AGBL1: variants seen among roughly 807,000 people sequenced by gnomAD.
AGBL1 encodes the protein cytosolic carboxypeptidase 4.
AGBL1 carries 130 observed loss-of-function variants against 118.9 expected under a neutral mutation model. The observed-to-expected ratio is 1.09, with a 90% confidence interval of 0.95 to 1.26. The LOEUF (loss-of-function observed/expected upper bound fraction) is 1.26. AGBL1 is among the 50% of genes most tolerant of loss of function. The pLI is 0.00. For synonymous variants in AGBL1, 555 were observed against 478.9 expected, an observed-to-expected ratio of 1.16 and a Z score of -2.08; for missense variants, 1,584 against 1,298.1, an observed-to-expected ratio of 1.22 and a Z score of -3.38.
intron 1 of AGBL1, among the ~76,000 whole-genome samples, chr15:86,099,642 C>T (rs1008655160): frequency 7.3e-5 from 11 of 151,042 alleles, no homozygotes; most frequent in Admixed American, 2.0e-4. Flanking sequence ...CAGGTTCAAG[C>T]GATTCTCCTG....
intron 22 of AGBL1, among the ~76,000 whole-genome samples, chr15:86,785,800 G>C (rs1263869564): frequency 6.6e-6 from 1 of 152,166 alleles, no homozygotes; most frequent in African/African-American, 2.4e-5. Context: ...AACCCCAAGA[G>C]AACTGAGTTA....
intron 7 of AGBL1, among the ~76,000 whole-genome samples, chr15:86,254,920 T>C (rs7167753): frequency 0.032 from 4,859 of 152,314 alleles, 276 homozygotes; most frequent in African/African-American, 0.11. Context: ...AAATATATCA[T>C]GATTCCTAAA....
In AGBL1 at chr15:86,390,660, A is replaced by ATTTTTTTTTTTTTTTTTTT. The variant is rs756052402; in HGVS notation, c.2375-6698_2375-6680dup. On this transcript the variant is annotated intron_variant, in intron 17 of 22. Coordinates refer to ENST00000614907, the MANE Select transcript of AGBL1 (RefSeq NM_001386094.1). ...AGGCAGAAAAGTTATATACTGTATGATTTTTTTTTTTTTTTTTTTTTTTTT... is the reference window on the plus strand; with the variant it reads ...AGGCAGAAAAGTTATATACTGTATGATTTTTTTTTTTTTTTTTTTTTTTTTTTTTTTTTTTTTTTTTTTT... Among the ~76,000 whole-genome samples the ATTTTTTTTTTTTTTTTTTT allele has an allele frequency of 2.1e-4, 16 of 75,472 alleles. 2 individuals are homozygous for ATTTTTTTTTTTTTTTTTTT. The highest frequency in any genetic ancestry group is 3.7e-4 in the Admixed American group (2 of 5,390). 49.5% of individuals were successfully genotyped at this position (75,472 alleles called of 152,430 possible).
intron 23 of AGBL1, among the ~76,000 whole-genome samples, chr15:86,967,041 C>T (rs1307001643): frequency 6.6e-6 from 1 of 152,056 alleles, no homozygotes; most frequent in Non-Finnish European, 1.5e-5. Context: ...GATGGTATGT[C>T]GTTGTGGTTT....
Position 86,456,260 on chromosome 15 carries a change from T to A in AGBL1, c.2555+58714T>A, listed in dbSNP as rs529152267. Among the ~76,000 whole-genome samples, 5 of 152,334 alleles carry A rather than the reference T, an allele frequency of 3.3e-5. No individual in the cohort carries two copies. The South Asian group carries it at 1.0e-3, about 32-fold the overall frequency. ...CACATCACATTTATCTGAATAATGT[T>A]CTCTTAAACTGAAAAAAGACACAAA... On this transcript the variant is annotated intron_variant, in intron 18 of 22. Coordinates refer to ENST00000614907, the MANE Select transcript of AGBL1 (RefSeq NM_001386094.1).
chr15:86,974,645 A>T (rs1235157747), intron 23 of AGBL1, among the ~76,000 whole-genome samples: 7 of 147,262 alleles, frequency 4.8e-5, no homozygotes, highest in Non-Finnish European at 1.0e-4. Context: ...CTTTTCTGCA[A>T]AAAAAGATGA....
intron 23 of AGBL1, among the ~76,000 whole-genome samples, chr15:86,972,283 CA>C (rs1169410004): frequency 6.6e-6 from 1 of 151,960 alleles, no homozygotes; most frequent in East Asian, 1.9e-4. Context: ...AGAAGTTTCA[CA>C]GATACAACAT....
chr15:86,280,927 G>T (rs2079341856), intron 16 of AGBL1, among the ~76,000 whole-genome samples: 1 of 152,174 alleles, frequency 6.6e-6, no homozygotes, highest in Admixed American at 6.5e-5. Flanking sequence ...CACTTAGAGA[G>T]CTCAAGAAGT....
chr15:86,514,922 A>G (rs1160458671), intron 18 of AGBL1, among the ~76,000 whole-genome samples: 1 of 152,168 alleles, frequency 6.6e-6, no homozygotes, highest in Non-Finnish European at 1.5e-5. Flanking sequence ...TTAACTCCAC[A>G]TCCTAAAAAT....
At chr15:86,723,885 T>C (rs2142729715) in intron 22 of AGBL1, among the ~76,000 whole-genome samples, 1 of 152,120 alleles carries the variant, frequency 6.6e-6, no homozygotes, top group East Asian at 1.9e-4. Flanking sequence ...AGTCAAAGTT[T>C]GGATACTTGA....
At chr15:86,636,478 T>A (rs1322505629) in intron 21 of AGBL1, among the ~76,000 whole-genome samples, 1 of 106,598 alleles carries the variant, frequency 9.4e-6, no homozygotes, top group African/African-American at 3.3e-5. Flanking sequence ...AAAGTATTAT[T>A]TAATTCATCA....
At chr15:86,838,346 T>C (rs1461225779) in intron 22 of AGBL1, among the ~76,000 whole-genome samples, 1 of 152,336 alleles carries the variant, frequency 6.6e-6, no homozygotes, top group East Asian at 1.9e-4. Flanking sequence ...GTTTGTATAA[T>C]ATACCCTTAT....
At chr15:86,106,917 C>T (rs1349443023) in intron 1 of AGBL1, among the ~76,000 whole-genome samples, 1 of 152,116 alleles carries the variant, frequency 6.6e-6, no homozygotes, top group East Asian at 1.9e-4. Flanking sequence ...GCTGTGGAGC[C>T]CTGAGAACCA....
chr15:86,458,259 A>G (rs1267020972), intron 18 of AGBL1, among the ~76,000 whole-genome samples: 4 of 152,126 alleles, frequency 2.6e-5, no homozygotes, highest in African/African-American at 7.2e-5. Context: ...AGACTACAAA[A>G]TAAAAATAAC....
chr15:86,471,498 GT>G (rs375141045), intron 18 of AGBL1, among the ~76,000 whole-genome samples: 19,567 of 142,264 alleles, frequency 0.14, 1,316 homozygotes, highest in South Asian at 0.22. Context: ...TTGGCCTATA[GT>G]TTTTTTTTTT....
intron 1 of AGBL1, among the ~76,000 whole-genome samples, chr15:86,126,814 A>ACACCAAAT (rs987421264): frequency 6.6e-6 from 1 of 152,226 alleles, no homozygotes; most frequent in African/African-American, 2.4e-5. Flanking sequence ...TATAATTGAT[A>ACACCAAAT]CACCAAATCT....
chr15:86,884,210 C>A (rs1048070004), intron 22 of AGBL1, among the ~76,000 whole-genome samples: 42 of 152,154 alleles, frequency 2.8e-4, no homozygotes, highest in African/African-American at 9.9e-4. Flanking sequence ...ATAAGTACTT[C>A]AACATAATGA....
intron 22 of AGBL1, among the ~76,000 whole-genome samples, chr15:86,791,120 C>A (rs2078487430): frequency 6.6e-6 from 1 of 152,136 alleles, no homozygotes; most frequent in African/African-American, 2.4e-5. Context: ...ATCTGGAAAA[C>A]ACACGAACGT....
intron 17 of AGBL1, among the ~76,000 whole-genome samples, chr15:86,347,122 A>G (rs1182611189): frequency 6.6e-6 from 1 of 152,220 alleles, no homozygotes; most frequent in Non-Finnish European, 1.5e-5. Flanking sequence ...ATTGATTACT[A>G]ATGAGGCAGA....
Sources: gnomAD v4.1 joint callset for allele counts (sites outside exome capture counted in the v4.1 genomes callset) on GRCh38, gnomAD v4.1.1 for gene constraint, MANE v1.5 for transcripts, NCBI Gene and HGNC (gene_info 2026-07-23, HGNC 2026-07-21) for gene names.